ZNFX1: variants seen among roughly 807,000 people sequenced by gnomAD.
The protein encoded by ZNFX1 is NFX1-type zinc finger-containing protein 1.
In ZNFX1, 78 loss-of-function variants were observed where a neutral mutation model predicts 179.8. The ratio of observed to expected loss-of-function variants is 0.43; its 90% CI spans 0.36 to 0.52. The LOEUF is 0.52. ZNFX1 is among the 20% of genes least tolerant of loss of function. The pLI is 0.00. For missense variants in ZNFX1, 1,927 were observed against 2,386.6 expected (o/e 0.81, Z 4.01); for synonymous variants, 848 against 868.5 (o/e 0.98, Z 0.42).
At position 49,249,157 on chromosome 20, in the gene ZNFX1, G is replaced by T; in HGVS notation, c.3867C>A (p.Ser1289Arg). The change falls in exon 14 of 14, where the codon AGC becomes AGA. Residue 1289 changes from serine (S) to arginine (R), a missense_variant. By Grantham distance (110) the Ser-to-Arg change is moderately radical (BLOSUM62 -1). Transcript: ENST00000396105. ...AGCCCAGGCGGAACTCGCAGGGCAG[G>T]CTGCAGCCTCCTTCGGGTACTTTTT... ...DFQKVPEGGC[S>R]LPCEFRLGCG... The T allele has an allele frequency of 6.2e-7, 1 of 1,614,242 alleles. No homozygotes were observed. The highest frequency in any genetic ancestry group is 1.1e-5 in the South Asian group (1 of 91,084).
chr20:49,259,503 C>A (rs1384320736), intron 7 of ZNFX1, among the ~76,000 whole-genome samples: 1 of 151,934 alleles, frequency 6.6e-6, no homozygotes, highest in Non-Finnish European at 1.5e-5. Context: ...CTCACTGCAG[C>A]CTCAACCTCC....
In ZNFX1 at chr20:49,248,245, G is replaced by A. The variant is rs142695301; in HGVS notation, c.4779C>T (p.His1593=). The change falls in exon 14 of 14, where the codon CAC becomes CAT. Residue 1593 remains histidine (H), a synonymous_variant. Coordinates refer to ENST00000396105, the MANE Select transcript of ZNFX1 (RefSeq NM_021035.3). The surrounding 1 kb of genome is among the most constrained non-coding windows in gnomAD (Gnocchi z 4.6). The part of the protein sequence containing the change: ...ARFVQLEDCS[H]IFEVQALDRY... ...GGTCTAGGGCTTGCACCTCAAAGAT[G>A]TGGCTGCAGTCTTCCAGCTGCACAA... The A allele has an allele frequency of 6.2e-7, 1 of 1,614,152 alleles. No individual in the cohort carries two copies. Among genetic ancestry groups the A allele is most frequent in the Non-Finnish European group, 8.5e-7 (1 of 1,180,042 alleles).
At position 49,253,669 on chromosome 20, in the gene ZNFX1, C is replaced by T. The variant is rs1980898445; in HGVS notation, c.3102G>A (p.Gln1034=). The change falls in exon 11 of 14, where the codon CAG becomes CAA. Residue 1034 remains glutamine (Q), a synonymous_variant. Coordinates refer to ENST00000396105, the MANE Select transcript of ZNFX1 (RefSeq NM_021035.3). Reference sequence around the variant, plus strand: ...TCTAGGGGGACTCTCGTTTTACCTGCTGGTGGTCCCCAATCAAAATGAGGT... The same window carrying T: ...TCTAGGGGGACTCTCGTTTTACCTGTTGGTGGTCCCCAATCAAAATGAGGT... The part of the protein sequence containing the change: ...CQHLILIGDH[Q]QLRPSANVYD... The T allele has an allele frequency of 1.9e-6, 3 of 1,614,044 alleles. No homozygotes were observed. Among genetic ancestry groups the T allele is most frequent in the Non-Finnish European group, 2.5e-6 (3 of 1,180,004 alleles).
At chr20:49,257,699 ACT>A (rs112011311) in intron 7 of ZNFX1, 35 bp from the exon 8 acceptor site, 8 of 1,518,778 alleles carry the variant, frequency 5.3e-6, no homozygotes, top group Middle Eastern at 1.8e-4. Flanking sequence ...AGAGATGAAA[ACT>A]CTTTTTTTTT....
intron 12 of ZNFX1, among the ~76,000 whole-genome samples, chr20:49,252,142 TTTTC>T (rs1980854492): frequency 1.3e-5 from 2 of 150,206 alleles, no homozygotes; most frequent in Non-Finnish European, 3.0e-5. Flanking sequence ...TCTATTTTTC[TTTTC>T]TTTTTTTTTT....
Position 49,249,441 on chromosome 20 carries a change from T to G in ZNFX1, c.3583A>C (p.Ile1195Leu). 1.2e-6 allele frequency: 2 copies of G among 1,614,256 alleles called. No individual in the cohort carries two copies. Among genetic ancestry groups the G allele is most frequent in the Non-Finnish European group, 1.7e-6 (2 of 1,180,052 alleles). The change falls in exon 14 of 14, where the codon ATC becomes CTC. Residue 1195 changes from isoleucine (I) to leucine (L), a missense_variant. Coordinates refer to ENST00000396105, the MANE Select transcript of ZNFX1 (RefSeq NM_021035.3). ...DKYQGEENDIILLSLVRSNQE... is the reference protein window; with the variant it reads ...DKYQGEENDILLLSLVRSNQE... Reference sequence around the variant, plus strand: ...TTGCTCCGCACTAGCGAGAGGAGGATGATGTCATTCTCTTCCCCTTGGTAT... The same window carrying G: ...TTGCTCCGCACTAGCGAGAGGAGGAGGATGTCATTCTCTTCCCCTTGGTAT...
Position 49,249,357 on chromosome 20 carries a change from G to A in ZNFX1, c.3667C>T (p.Arg1223Ter). 1 of 1,614,200 alleles carries A rather than the reference G, an allele frequency of 6.2e-7. No homozygotes were observed. The highest frequency in any genetic ancestry group is 8.5e-7 in the Non-Finnish European group (1 of 1,180,044). Reference protein sequence around the residue: ...ISNRICVALSRAKKGMYCIGN... With the variant: ...ISNRICVALS ...ATGCAGTACATTCCCTTCTTGGCTC[G>A]GGACAAGGCCACACAGATGCGGTTG... The change falls in exon 14 of 14, where the codon CGA becomes TGA. Residue 1223 changes from arginine (R) to a stop codon, truncating the protein, a stop_gained. Coordinates refer to ENST00000396105, the MANE Select transcript of ZNFX1 (RefSeq NM_021035.3). LOFTEE classifies it high-confidence loss of function.
intron 7 of ZNFX1, among the ~76,000 whole-genome samples, chr20:49,258,843 C>A (rs1365222413): frequency 6.9e-6 from 1 of 145,558 alleles, no homozygotes; most frequent in Non-Finnish European, 1.5e-5. Flanking sequence ...GTGGCTCATG[C>A]CTGTAATCCC....
chr20:49,247,569 T>G lies in ZNFX1; in HGVS notation c.5455A>C (p.Thr1819Pro). The G allele has an allele frequency of 6.2e-7, 1 of 1,614,208 alleles. No homozygotes were observed. Among genetic ancestry groups the G allele is most frequent in the African/African-American group, 1.3e-5 (1 of 75,064 alleles). Residue 1819 changes from threonine (T) to proline (P), a missense_variant, in exon 14 of 14, where the codon ACC (threonine) becomes CCC (proline). Physicochemically the swap from Thr to Pro is conservative, Grantham distance 38. Transcript: ENST00000396105. ...ATGCCCAGGCCAGAGCAGGGAAGGG[T>G]GGCTTTCAGAGCTTCCATCTTTTCC... ...VQEKMEALKA[T>P]LPCSGLGISE...
At position 49,270,527 on chromosome 20, in the gene ZNFX1, T is replaced by C. The variant is rs1981355863; in HGVS notation, c.1285A>G (p.Lys429Glu). 6.2e-7 allele frequency: 1 copy of C among 1,614,268 alleles called. No individual in the cohort carries two copies. Among genetic ancestry groups the C allele is most frequent in the Non-Finnish European group, 8.5e-7 (1 of 1,180,044 alleles). The change falls in exon 3 of 14, where the codon AAG becomes GAG. Residue 429 changes from lysine to glutamate, a missense_variant. Physicochemically the swap from Lys to Glu is moderately conservative, Grantham distance 56 (BLOSUM62 1). Coordinates refer to ENST00000396105, the MANE Select transcript of ZNFX1 (RefSeq NM_021035.3). This position sits in a 1 kb window ranked among gnomAD's most constrained non-coding sequence, Gnocchi z 4.6. ...PMCSSSGIVY[K>E]VQFDTKPLKF... is the part of the protein sequence containing the mutation. Reference sequence around the variant, plus strand: ...AGTGGTTTTGTGTCAAACTGCACCTTGTAGACTATGCCTGATGATGAACAC... The same window carrying C: ...AGTGGTTTTGTGTCAAACTGCACCTCGTAGACTATGCCTGATGATGAACAC...
chr20:49,251,194 G>A (rs1302746473), intron 13 of ZNFX1, among the ~76,000 whole-genome samples: 1 of 151,912 alleles, frequency 6.6e-6, no homozygotes, highest in East Asian at 1.9e-4. Flanking sequence ...CTGGAGTGCA[G>A]TAGCATGGCA....
At chr20:49,277,151 T>C (rs1981588468) in intron 1 of ZNFX1, among the ~76,000 whole-genome samples, 1 of 151,926 alleles carries the variant, frequency 6.6e-6, no homozygotes, top group South Asian at 2.1e-4. Flanking sequence ...AAATCAGTGA[T>C]GATCAAGCTG....
At chr20:49,249,760 GT>G (rs1568981132) in intron 13 of ZNFX1, 49 bp from the exon 14 acceptor site, 3 of 1,555,370 alleles carry the variant, frequency 1.9e-6, no homozygotes, top group Middle Eastern at 1.7e-4. Context: ...CATGGCACTT[GT>G]TTTTTTCTTC....
Position 49,256,018 on chromosome 20 carries a change from G to A in ZNFX1, c.2665-71C>T, listed in dbSNP as rs899022194. 3.2e-6 allele frequency: 5 copies of A among 1,553,614 alleles called. No individual in the cohort carries two copies. In the African/African-American group the frequency reaches 4.1e-5, roughly 13 times the overall value. On this transcript the variant is annotated intron_variant, in intron 8 of 13. Transcript: ENST00000396105. ...GCTTGGTTTTAAGCCCAAGGCAGGG[G>A]TCACAGCACGTAAGAAAAAGGGCTG...
intron 2 of ZNFX1, among the ~76,000 whole-genome samples, chr20:49,274,874 G>A (rs1344397124): frequency 3.3e-5 from 5 of 152,206 alleles, no homozygotes; most frequent in African/African-American, 7.2e-5. Context: ...TGTAATCCCA[G>A]CACTTTGGGA....
chr20:49,251,703 A>G, intron 12 of ZNFX1, 81 bp from the exon 13 acceptor site: 1 of 1,249,648 alleles, frequency 8.0e-7, no homozygotes, highest in African/African-American at 1.5e-5. Context: ...TTGCTGTTAG[A>G]AAATTTAGGG....
At chr20:49,254,372 CA>C in intron 10 of ZNFX1, 122 bp downstream of exon 10, 1 of 1,294,532 alleles carries the variant, frequency 7.7e-7, no homozygotes, top group Non-Finnish European at 1.1e-6. Flanking sequence ...TGGGTGCTTT[CA>C]GTAGCTTTTC....
At chr20:49,251,120 G>A (rs770039396) in intron 13 of ZNFX1, among the ~76,000 whole-genome samples, 2 of 152,072 alleles carry the variant, frequency 1.3e-5, no homozygotes, top group Non-Finnish European at 2.9e-5. Context: ...TAAAAAGCTG[G>A]CTCTACTCCC....
At chr20:49,275,641 G>A (rs1247636136) in intron 2 of ZNFX1, 138 bp downstream of exon 2, 4 of 820,380 alleles carry the variant, frequency 4.9e-6, no homozygotes, top group Non-Finnish European at 5.8e-6. Context: ...ATAGGCTTGA[G>A]CCACTGCATC....
Sources: allele counts gnomAD v4.1 joint callset (sites outside exome capture counted in the v4.1 genomes callset), GRCh38; gene constraint gnomAD v4.1.1; non-coding constraint Gnocchi (gnomAD v3.1); transcripts MANE v1.5; gene names NCBI Gene and HGNC (gene_info 2026-07-23, HGNC 2026-07-21).